The following BCAR3 variants were observed in gnomAD, a reference collection of about 807,000 sequenced individuals.
The protein encoded by BCAR3 is BCAR3 adaptor protein, NSP family member, also known as breast cancer anti-estrogen resistance protein 3.
A neutral mutation model predicts 80.1 loss-of-function variants in BCAR3; 37 were observed. The ratio of observed to expected loss-of-function variants is 0.46; its 90% CI spans 0.36 to 0.61. The LOEUF is 0.61. Among genes scored for constraint, BCAR3 ranks in the 20% least tolerant of loss-of-function variants. BCAR3 has a pLI of 0.00. For missense variants in BCAR3, 978 were observed against 1,068.2 expected, an observed-to-expected ratio of 0.92 and a Z score of 1.18; for synonymous variants, 389 against 418.9, an observed-to-expected ratio of 0.93 and a Z score of 0.87.
chr1:93,592,599 G>C lies in BCAR3; in HGVS notation c.358-206C>G, dbSNP rs1328090337. Reference sequence around the variant, plus strand: ...AATAAAATTTTCACCTGCACATGGGGACTATGGTAGGAGAGTCCACCAAGA... The same window carrying C: ...AATAAAATTTTCACCTGCACATGGGCACTATGGTAGGAGAGTCCACCAAGA... On this transcript the variant is annotated intron_variant, in intron 3 of 11. Coordinates refer to ENST00000260502, the MANE Select transcript of BCAR3 (RefSeq NM_003567.4). This position sits in a 1 kb window ranked among gnomAD's most constrained non-coding sequence, Gnocchi z 4.8. 8 of 577,166 alleles carry C rather than the reference G, an allele frequency of 1.4e-5. No homozygotes were observed. The highest frequency in any genetic ancestry group is 2.0e-5 in the Non-Finnish European group (7 of 344,706). 35.8% of individuals were successfully genotyped at this position (577,166 alleles called of 1,614,324 possible). A position where few individuals can be genotyped will look rare whatever the true frequency, so the allele number is the denominator to read the frequency against.
chr1:93,683,179 A>G (rs1456229428), upstream of BCAR3, among the ~76,000 whole-genome samples: 2 of 152,216 alleles, frequency 1.3e-5, no homozygotes, highest in Non-Finnish European at 2.9e-5. Flanking sequence ...CAGGCAGAAT[A>G]TTTCAACTGT....
intron 2 of BCAR3, among the ~76,000 whole-genome samples, chr1:93,668,948 G>A (rs928201683): frequency 1.3e-5 from 2 of 152,174 alleles, no homozygotes; most frequent in Admixed American, 1.3e-4. Flanking sequence ...CTGACCTCAG[G>A]TGATCCACCT....
intron 2 of BCAR3, among the ~76,000 whole-genome samples, chr1:93,808,454 T>C (rs947433210): frequency 6.6e-6 from 1 of 152,210 alleles, no homozygotes; most frequent in Non-Finnish European, 1.5e-5. Flanking sequence ...AGCAGAATTG[T>C]ACCTCCTGTA....
At chr1:93,658,348 T>C (rs1349226455) in intron 2 of BCAR3, among the ~76,000 whole-genome samples, 1 of 152,114 alleles carries the variant, frequency 6.6e-6, no homozygotes, top group African/African-American at 2.4e-5. Context: ...AAACTGGTTG[T>C]AATGATTCAA....
chr1:93,775,570 A>G (rs935925218), intron 2 of BCAR3: 1 of 152,190 alleles, frequency 6.6e-6, no homozygotes, highest in Non-Finnish European at 1.5e-5. Flanking sequence ...TTCATTTTCT[A>G]TATGTGTTCA....
At chr1:93,725,008 C>G (rs1036664370) in intron 2 of BCAR3, among the ~76,000 whole-genome samples, 4 of 152,196 alleles carry the variant, frequency 2.6e-5, no homozygotes, top group African/African-American at 7.2e-5. Flanking sequence ...GTAAGTTGCA[C>G]CAGCCAAGAG....
At chr1:93,818,723 A>C (rs1654101142) in intron 2 of BCAR3, among the ~76,000 whole-genome samples, 1 of 152,224 alleles carries the variant, frequency 6.6e-6, no homozygotes, top group South Asian at 2.1e-4. Context: ...CTCACATTCT[A>C]GTGGAGAGAC....
At position 93,656,493 on chromosome 1, in the gene BCAR3, GTTC is replaced by G. The variant is rs1166698159; in HGVS notation, c.318-14153_318-14151del. ...TTTTTATTTCTAGAAATTATAGTAG[GTTC>G]TTTTTATATTTTCCTGTTTATTCTG... On this transcript the variant is annotated intron_variant, in intron 2 of 11. Transcript: ENST00000260502. Among the ~76,000 whole-genome samples, 3 of 150,750 alleles carry G rather than the reference GTTC, an allele frequency of 2.0e-5. No individual in the cohort carries two copies. In the East Asian group the frequency reaches 5.8e-4, roughly 29 times the overall value.
chr1:93,678,984 T>C (rs956735391), intron 1 of BCAR3, among the ~76,000 whole-genome samples: 7 of 152,212 alleles, frequency 4.6e-5, no homozygotes, highest in African/African-American at 1.7e-4. Flanking sequence ...TATATACTTC[T>C]TATGTACCAT....
chr1:93,627,933 G>A (rs1675499669), intron 3 of BCAR3, among the ~76,000 whole-genome samples: 2 of 151,564 alleles, frequency 1.3e-5, no homozygotes, highest in South Asian at 2.1e-4. Flanking sequence ...TAATTACAGG[G>A]GTGTTTTTAT....
At chr1:93,658,483 CA>C (rs1284302603) in intron 2 of BCAR3, among the ~76,000 whole-genome samples, 95 of 139,502 alleles carry the variant, frequency 6.8e-4, no homozygotes, top group South Asian at 6.8e-4. Flanking sequence ...CCCGTCTCTA[CA>C]AAAAAAAAAA....
intron 2 of BCAR3, among the ~76,000 whole-genome samples, chr1:93,842,017 A>G (rs1335602104): frequency 3.9e-5 from 6 of 152,042 alleles, no homozygotes; most frequent in Non-Finnish European, 8.8e-5. Context: ...GCCCATTTCA[A>G]ATGCAGCCTC....
chr1:93,835,349 G>A (rs1013934542), intron 2 of BCAR3, among the ~76,000 whole-genome samples: 6 of 152,156 alleles, frequency 3.9e-5, no homozygotes, highest in Non-Finnish European at 7.3e-5. Context: ...TCAGGGCAAC[G>A]CTTATGCTGA....
intron 2 of BCAR3, chr1:93,723,535 G>A (rs79271402): frequency 0.056 from 8,526 of 152,434 alleles, 285 homozygotes; most frequent in African/African-American, 0.092. Context: ...CCCTGGGAGA[G>A]TCTCCTGGGA....
chr1:93,575,904 G>T, intron 8 of BCAR3, 110 bp downstream of exon 8: 1 of 861,392 alleles, frequency 1.2e-6, no homozygotes, highest in Non-Finnish European at 1.8e-6. Context: ...CTGAAGTACT[G>T]TTACCCCAGG....
intron 2 of BCAR3, among the ~76,000 whole-genome samples, chr1:93,706,337 G>A (rs1348580268): frequency 6.6e-6 from 1 of 152,134 alleles, no homozygotes; most frequent in Non-Finnish European, 1.5e-5. Context: ...ATTCTGCCTA[G>A]ATGTTTCTTT....
At chr1:93,653,257 G>T (rs1647210841) in intron 2 of BCAR3, among the ~76,000 whole-genome samples, 1 of 152,170 alleles carries the variant, frequency 6.6e-6, no homozygotes, top group Admixed American at 6.5e-5. Context: ...AAATGGAATT[G>T]TTTGCAATAC....
In BCAR3 at chr1:93,588,735, C is replaced by G. The variant is rs189544365; in HGVS notation, c.929+242G>C. Among the ~76,000 whole-genome samples the G allele has an allele frequency of 6.1e-3, 925 of 151,934 alleles. 4 individuals are homozygous for G. Among genetic ancestry groups the G allele is most frequent in the Non-Finnish European group, 1.0e-2 (679 of 67,956 alleles). ...CCATCAGACCAGCCTAAGTCTACCC[C>G]CTTCACAAGGTATCCCCATCAGCAC... On this transcript the variant is annotated intron_variant, in intron 5 of 11. Coordinates refer to ENST00000260502, the MANE Select transcript of BCAR3 (RefSeq NM_003567.4).
At chr1:93,769,643 T>C (rs1453453265) in intron 2 of BCAR3, among the ~76,000 whole-genome samples, 1 of 152,118 alleles carries the variant, frequency 6.6e-6, no homozygotes, top group Non-Finnish European at 1.5e-5. Flanking sequence ...TCTTTCTCTC[T>C]AAGTTTGAAG....
Sources: allele counts gnomAD v4.1 joint callset (sites outside exome capture counted in the v4.1 genomes callset), GRCh38; gene constraint gnomAD v4.1.1; non-coding constraint Gnocchi (gnomAD v3.1); transcripts MANE v1.5; gene names NCBI Gene and HGNC (gene_info 2026-07-23, HGNC 2026-07-21).